The following MGRN1 variants were observed in gnomAD, a reference collection of about 807,000 sequenced individuals.
The protein encoded by MGRN1 is E3 ubiquitin-protein ligase MGRN1.
A neutral mutation model predicts 69.2 loss-of-function variants in MGRN1; 29 were observed. That is an observed-to-expected ratio of 0.42 (90% CI 0.31 to 0.57). The LOEUF (loss-of-function observed/expected upper bound fraction) is 0.57, where lower values mean the gene tolerates loss of function less well. Ranked by LOEUF, MGRN1 falls within the 20% of genes least tolerant of loss-of-function variation. The pLI, the probability that MGRN1 is intolerant of heterozygous loss-of-function variation, is 0.15. For synonymous variants in MGRN1, 470 were observed against 344.2 expected (o/e 1.37, Z -4.04); for missense variants, 998 against 796.2 (o/e 1.25, Z -3.05).
intron 8 of MGRN1, among the ~76,000 whole-genome samples, chr16:4,669,651 A>C (rs1024642418): frequency 6.6e-5 from 10 of 152,222 alleles, no homozygotes; most frequent in African/African-American, 2.4e-4. Context: ...AAAAGGAAGG[A>C]AAGAGACCAG....
chr16:4,659,674 C>T lies in MGRN1; in HGVS notation c.561+2311C>T, dbSNP rs986438538. ...TCTGTGGATGGCCACGCTGAGTTGG[C>T]GCACATAAGGGGCAGCTGCTGCTGC... On this transcript the variant is annotated intron_variant, in intron 5 of 16. Transcript: ENST00000262370. 3.9e-5 allele frequency among the ~76,000 whole-genome samples: 6 copies of T among 152,358 alleles called. No homozygotes were observed. In the South Asian group the frequency reaches 6.2e-4, roughly 16 times the overall value.
At chr16:4,668,467 A>G (rs2141935847) in intron 8 of MGRN1, among the ~76,000 whole-genome samples, 155 bp downstream of exon 8, 1 of 151,958 alleles carries the variant, frequency 6.6e-6, no homozygotes, top group South Asian at 2.1e-4. Flanking sequence ...GCACATATAT[A>G]CGGACACACA....
intron 5 of MGRN1, chr16:4,664,014 C>A (rs2078743660): frequency 6.6e-6 from 1 of 152,580 alleles, no homozygotes; most frequent in South Asian, 2.1e-4. Context: ...CAGTGACCAG[C>A]ACTTCCCCTC....
chr16:4,679,003 CATG>C (rs2079116530), intron 11 of MGRN1, among the ~76,000 whole-genome samples: 1 of 152,222 alleles, frequency 6.6e-6, no homozygotes, highest in Non-Finnish European at 1.5e-5. Context: ...TAAAATCTGA[CATG>C]GTCTTGATGC....
chr16:4,663,754 G>T (rs1387617830), intron 5 of MGRN1, among the ~76,000 whole-genome samples: 1 of 152,212 alleles, frequency 6.6e-6, no homozygotes, highest in Non-Finnish European at 1.5e-5. Flanking sequence ...GTAGAGAGTA[G>T]GGCGAGACCC....
Position 4,624,992 on chromosome 16 carries a change from G to A in MGRN1, c.32G>A (p.Gly11Glu). 1 of 1,558,762 alleles carries A rather than the reference G, an allele frequency of 6.4e-7. No individual in the cohort carries two copies. Among genetic ancestry groups the A allele is most frequent in the Non-Finnish European group, 8.7e-7 (1 of 1,155,026 alleles). Reference protein sequence around the residue: MGSILSRRIAGVEDIDIQANS... With the variant: MGSILSRRIAEVEDIDIQANS... ...TCCATTCTCAGCCGCCGCATCGCGG[G>A]GGTGGAGGACATCGACATCCAGGCG... Residue 11 changes from glycine to glutamate, a missense_variant, in exon 1 of 17, where the codon GGG becomes GAG. By Grantham distance (98) the Gly-to-Glu change is moderately conservative (BLOSUM62 -2). Transcript: ENST00000262370.
At chr16:4,655,278 A>G (rs367708422) in intron 4 of MGRN1, among the ~76,000 whole-genome samples, 80 of 152,236 alleles carry the variant, frequency 5.3e-4, no homozygotes, top group Middle Eastern at 6.8e-3. Flanking sequence ...TGACCATCTC[A>G]AGTGCACTTG....
rs745491022 is a variant in MGRN1 at position 4,657,268 on chromosome 16, C to G, written c.466C>G (p.Leu156Val). ...RAVYSPKSPS[L>V]QSETVHYKRG... ...CAGATACAGCCCCAAGAGCCCCTCG[C>G]TACAGTCCGAGACCGTCCACTACAA... The change falls in exon 5 of 17, where the codon CTA (leucine) becomes GTA (valine). Residue 156 changes from leucine to valine, a missense_variant. Leu to Val is a conservative substitution (Grantham distance 32). Transcript: ENST00000262370. 6.2e-7 allele frequency: 1 copy of G among 1,614,002 alleles called. No individual in the cohort carries two copies. The highest frequency in any genetic ancestry group is 8.5e-7 in the Non-Finnish European group (1 of 1,179,950).
chr16:4,672,475 G>A (rs1375448690), intron 9 of MGRN1: 10 of 456,614 alleles, frequency 2.2e-5, no homozygotes, highest in African/African-American at 6.0e-5. Flanking sequence ...TCCACGTGGC[G>A]GGAGCGGAGC....
intron 15 of MGRN1, 35 bp from the exon 16 acceptor site, chr16:4,683,808 G>C: frequency 6.3e-7 from 1 of 1,598,846 alleles, no homozygotes; most frequent in Non-Finnish European, 8.6e-7. Flanking sequence ...CCTGGCCCCT[G>C]CCTGTAGGTC....
chr16:4,686,834 T>C (rs972995468), intron 16 of MGRN1: 13 of 986,066 alleles, frequency 1.3e-5, no homozygotes, highest in African/African-American at 1.0e-4. Flanking sequence ...GTTCCGGTCG[T>C]GGCTTTAACA....
At chr16:4,636,415 A>G (rs1898293982) in intron 1 of MGRN1, among the ~76,000 whole-genome samples, 1 of 151,780 alleles carries the variant, frequency 6.6e-6, no homozygotes, top group African/African-American at 2.4e-5. Flanking sequence ...CTGCTGTGGG[A>G]CCTTCCAGCG....
intron 13 of MGRN1, 99 bp from the exon 14 acceptor site, chr16:4,682,724 C>G: frequency 5.2e-6 from 7 of 1,340,102 alleles, no homozygotes; most frequent in Non-Finnish European, 6.9e-6. Flanking sequence ...TCCTGGCAGG[C>G]GTGTGCAGGG....
intron 11 of MGRN1, 146 bp from the exon 12 acceptor site, chr16:4,679,886 G>T (rs1177117620): frequency 1.3e-6 from 1 of 759,662 alleles, no homozygotes; most frequent in Non-Finnish European, 2.2e-6. Context: ...CCCTCACTTA[G>T]GACAGTCCCG....
At chr16:4,625,843 G>A (rs1391633338) in intron 1 of MGRN1, among the ~76,000 whole-genome samples, 2 of 152,204 alleles carry the variant, frequency 1.3e-5, no homozygotes, top group Non-Finnish European at 2.9e-5. Flanking sequence ...GTTCTTTGTG[G>A]TGGAAAGGAG....
At chr16:4,661,688 A>T (rs1455246072) in intron 5 of MGRN1, among the ~76,000 whole-genome samples, 1 of 152,200 alleles carries the variant, frequency 6.6e-6, no homozygotes, top group Admixed American at 6.5e-5. Context: ...TTCACAGCAT[A>T]GCCCCCAGCA....
In MGRN1 at chr16:4,680,076, C is replaced by G; in HGVS notation, c.1110C>G (p.Ser370Arg). ...KSKPHPASLA[S>R]KKPKRETNSD... ...AGCCGCACCCCGCCTCCCTGGCCAG[C>G]AAGAAACCTAAAAGGGAAACAGTAA... Residue 370 changes from serine to arginine, a missense_variant, in exon 12 of 17, where the codon AGC (serine) becomes AGG (arginine). Physicochemically the swap from Ser to Arg is moderately radical, Grantham distance 110 (BLOSUM62 -1). Transcript: ENST00000262370. 1 of 1,614,104 alleles carries G rather than the reference C, an allele frequency of 6.2e-7. No homozygotes were observed. The highest frequency in any genetic ancestry group is 8.5e-7 in the Non-Finnish European group (1 of 1,179,958).
chr16:4,657,396 C>T (rs759773124), intron 5 of MGRN1, 33 bp downstream of exon 5: 1 of 1,586,768 alleles, frequency 6.3e-7, no homozygotes, highest in Non-Finnish European at 8.7e-7. Context: ...TTGCCCTTCG[C>T]TCCTCCTGAA....
At chr16:4,677,767 C>T (rs2079085015) in intron 11 of MGRN1, among the ~76,000 whole-genome samples, 195 bp downstream of exon 11, 1 of 149,228 alleles carries the variant, frequency 6.7e-6, no homozygotes, top group South Asian at 2.1e-4. Flanking sequence ...CTGGGAACAG[C>T]GCTGCTGCCA....
Sources: gnomAD v4.1 joint callset for allele counts (sites outside exome capture counted in the v4.1 genomes callset) on GRCh38, gnomAD v4.1.1 for gene constraint, MANE v1.5 for transcripts, NCBI Gene and HGNC (gene_info 2026-07-23, HGNC 2026-07-21) for gene names.